Variants in DCLK1 observed in about 807,000 individuals in gnomAD.
The protein encoded by DCLK1 is doublecortin like kinase 1, also known as serine/threonine-protein kinase DCLK1.
Under a neutral mutation model 86.2 loss-of-function variants are expected in DCLK1, and 16 were observed. That is an observed-to-expected ratio of 0.19 (90% CI 0.13 to 0.28). The LOEUF (loss-of-function observed/expected upper bound fraction) is 0.28. Among genes scored for constraint, DCLK1 ranks in the 10% least tolerant of loss-of-function variants. The pLI is 1.00. For missense variants in DCLK1, 590 were observed against 940.2 expected (o/e 0.63, Z 4.87); for synonymous variants, 369 against 370.5 (o/e 1.00, Z 0.05).
At chr13:35,878,824 C>T (rs923327080) in intron 4 of DCLK1, among the ~76,000 whole-genome samples, 2 of 151,478 alleles carry the variant, frequency 1.3e-5, no homozygotes, top group Admixed American at 6.6e-5. Context: ...CTTGTTCTGT[C>T]GCCCAGGCCA....
At chr13:36,016,496 G>A (rs756473989) in intron 3 of DCLK1, among the ~76,000 whole-genome samples, 1 of 152,042 alleles carries the variant, frequency 6.6e-6, no homozygotes, top group Non-Finnish European at 1.5e-5. Flanking sequence ...TCAGGCTAAC[G>A]GAGCATACAC....
intron 3 of DCLK1, among the ~76,000 whole-genome samples, chr13:35,964,293 T>G (rs1878615430): frequency 6.6e-6 from 1 of 152,202 alleles, no homozygotes; most frequent in African/African-American, 2.4e-5. Context: ...GGAGAATTTG[T>G]AATATAGGAT....
chr13:36,108,823 G>A (rs1170109763), intron 3 of DCLK1, among the ~76,000 whole-genome samples: 3 of 152,230 alleles, frequency 2.0e-5, no homozygotes, highest in Non-Finnish European at 4.4e-5. Flanking sequence ...GGTGGGACAA[G>A]TAATCTTAGG....
intron 3 of DCLK1, among the ~76,000 whole-genome samples, chr13:36,002,254 A>G (rs80263355): frequency 3.6e-3 from 549 of 152,296 alleles, no homozygotes; most frequent in Non-Finnish European, 6.1e-3. Context: ...CAGTTAATTC[A>G]ATGTGCTGGT....
chr13:36,031,432 T>G (rs1198804354), intron 3 of DCLK1, among the ~76,000 whole-genome samples: 1 of 152,182 alleles, frequency 6.6e-6, no homozygotes, highest in East Asian at 1.9e-4. Context: ...TGGGGTTTAT[T>G]TAGATATATA....
At chr13:36,030,463 ATT>A (rs139224506) in intron 3 of DCLK1, among the ~76,000 whole-genome samples, 95,771 of 120,030 alleles carry the variant, frequency 0.8, 38,904 homozygotes, top group Non-Finnish European at 0.89. Context: ...CACCTGGCTA[ATT>A]TTTTTTTTTT....
intron 4 of DCLK1, among the ~76,000 whole-genome samples, chr13:35,884,715 A>G (rs1378366736): frequency 1.3e-5 from 2 of 152,152 alleles, no homozygotes; most frequent in Non-Finnish European, 2.9e-5. Flanking sequence ...CACATGCCCC[A>G]GTGGGTTGAG....
At chr13:35,851,839 G>T (rs1182158830) in intron 6 of DCLK1, among the ~76,000 whole-genome samples, 2 of 152,162 alleles carry the variant, frequency 1.3e-5, no homozygotes, top group Non-Finnish European at 1.5e-5. Flanking sequence ...ACAGAAGAAA[G>T]AAAGCTGATC....
intron 3 of DCLK1, among the ~76,000 whole-genome samples, chr13:36,047,864 G>A (rs780278144): frequency 1.4e-4 from 21 of 152,138 alleles, no homozygotes; most frequent in Non-Finnish European, 2.2e-4. Flanking sequence ...GCTGAGGCAC[G>A]AGGATCACTT....
At chr13:35,952,503 G>A (rs768562175) in intron 3 of DCLK1, among the ~76,000 whole-genome samples, 53 of 152,324 alleles carry the variant, frequency 3.5e-4, no homozygotes, top group Middle Eastern at 3.4e-3. Flanking sequence ...TATAACAAAT[G>A]TGCTAAGGAC....
chr13:35,980,546 A>G (rs926476794), intron 3 of DCLK1, among the ~76,000 whole-genome samples: 1 of 152,186 alleles, frequency 6.6e-6, no homozygotes, highest in Non-Finnish European at 1.5e-5. Flanking sequence ...AAGTAGAAGT[A>G]GCCCCTTCTA....
intron 2 of DCLK1, among the ~76,000 whole-genome samples, chr13:36,115,058 TG>T (rs1885735624): frequency 6.6e-6 from 1 of 152,198 alleles, no homozygotes; most frequent in South Asian, 2.1e-4. Flanking sequence ...CCCAGCTACT[TG>T]GGGGGCTGAG....
At chr13:35,774,982 C>T (rs1242414358) in intron 16 of DCLK1, among the ~76,000 whole-genome samples, 1 of 152,118 alleles carries the variant, frequency 6.6e-6, no homozygotes, top group Non-Finnish European at 1.5e-5. Flanking sequence ...GCTAGCTGCA[C>T]ATTTATTTAC....
At chr13:35,930,468 G>A (rs1393168056) in intron 4 of DCLK1, among the ~76,000 whole-genome samples, 1 of 152,146 alleles carries the variant, frequency 6.6e-6, no homozygotes, top group African/African-American at 2.4e-5. Context: ...AGGCATGGTG[G>A]TGCACACTGG....
chr13:35,846,339 C>G, intron 6 of DCLK1: 1 of 985,272 alleles, frequency 1.0e-6, no homozygotes, highest in Non-Finnish European at 1.2e-6. Flanking sequence ...TCCTCAAAAA[C>G]ACATCACAGA....
At chr13:36,094,327 G>A (rs145039121) in intron 3 of DCLK1, among the ~76,000 whole-genome samples, 14 of 152,144 alleles carry the variant, frequency 9.2e-5, no homozygotes, top group Admixed American at 7.9e-4. Flanking sequence ...TGGCATTATC[G>A]TCATTTATAT....
chr13:35,879,192 C>T (rs189522535), intron 4 of DCLK1, among the ~76,000 whole-genome samples: 130 of 152,262 alleles, frequency 8.5e-4, no homozygotes, highest in African/African-American at 2.6e-3. Context: ...AGTAAAGTCC[C>T]GGAAACTAAG....
intron 16 of DCLK1, among the ~76,000 whole-genome samples, chr13:35,781,382 G>C (rs1425552646): frequency 6.6e-6 from 1 of 152,168 alleles, no homozygotes; most frequent in African/African-American, 2.4e-5. Flanking sequence ...ATAATCCCTA[G>C]GGAAACTTTC....
chr13:35,980,974 A>T (rs560661495), intron 3 of DCLK1, among the ~76,000 whole-genome samples: 1 of 152,156 alleles, frequency 6.6e-6, no homozygotes, highest in African/African-American at 2.4e-5. Flanking sequence ...CTGAATATGA[A>T]GACACAAATA....
Sources: allele counts gnomAD v4.1 joint callset (sites outside exome capture counted in the v4.1 genomes callset), GRCh38; gene constraint gnomAD v4.1.1; transcripts MANE v1.5; gene names NCBI Gene and HGNC (gene_info 2026-07-23, HGNC 2026-07-21).